ZIM2: variants seen among roughly 807,000 people sequenced by gnomAD.
The protein encoded by ZIM2 is zinc finger imprinted 2.
ZIM2 carries 14 observed loss-of-function variants against 38.6 expected under a neutral mutation model. The ratio of observed to expected loss-of-function variants is 0.36; its 90% CI spans 0.24 to 0.57. The LOEUF (loss-of-function observed/expected upper bound fraction) is 0.57, where lower values mean the gene tolerates loss of function less well. Among genes scored for constraint, ZIM2 ranks in the 20% least tolerant of loss-of-function variants. The pLI is 0.81. For missense variants in ZIM2, 680 were observed against 695.1 expected, an observed-to-expected ratio of 0.98 and a Z score of 0.24; for synonymous variants, 247 against 245.8, an observed-to-expected ratio of 1.00 and a Z score of -0.04.
At chr19:56,777,379 G>A (rs1244144186) in intron 12 of ZIM2, among the ~76,000 whole-genome samples, 2 of 152,146 alleles carry the variant, frequency 1.3e-5, no homozygotes, top group Non-Finnish European at 2.9e-5. Flanking sequence ...AGCATGTTCT[G>A]TCAGTTCTTC....
intron 2 of ZIM2, chr19:56,833,486 C>T (rs148740292): frequency 6.1e-4 from 165 of 272,590 alleles, no homozygotes; most frequent in African/African-American, 3.2e-3. Context: ...CCCAGGCCTA[C>T]GTCACCTCCC....
intron 2 of ZIM2, among the ~76,000 whole-genome samples, chr19:56,828,973 A>G (rs527738561): frequency 2.6e-5 from 4 of 152,298 alleles, no homozygotes; most frequent in Middle Eastern, 3.4e-3. Flanking sequence ...TAAAAAAAAC[A>G]CCTACTTCTT....
intron 1 of ZIM2, among the ~76,000 whole-genome samples, chr19:56,839,273 C>T (rs2062652116): frequency 6.6e-6 from 1 of 151,676 alleles, no homozygotes; most frequent in South Asian, 2.1e-4. Context: ...TCAAACATGG[C>T]ATCTAGGTGG....
chr19:56,821,313 C>T (rs936539899), intron 7 of ZIM2, among the ~76,000 whole-genome samples: 1 of 152,216 alleles, frequency 6.6e-6, no homozygotes, highest in Non-Finnish European at 1.5e-5. Flanking sequence ...TCTGCAGACC[C>T]ACAGCTTTCC....
At chr19:56,836,897 G>A (rs2062175728) in intron 1 of ZIM2, among the ~76,000 whole-genome samples, 1 of 150,236 alleles carries the variant, frequency 6.7e-6, no homozygotes. Context: ...TTGAACCCGG[G>A]AGGCAGAGGC....
chr19:56,813,970 T>C, intron 9 of ZIM2: 2 of 1,614,130 alleles, frequency 1.2e-6, no homozygotes, highest in Non-Finnish European at 1.7e-6. Context: ...TTCACCTTCT[T>C]CTGGGTCTTC....
At chr19:56,813,607 T>C in intron 9 of ZIM2, 1 of 1,530,210 alleles carries the variant, frequency 6.5e-7, no homozygotes, top group Non-Finnish European at 8.8e-7. Context: ...ATGGATTGGT[T>C]TGGATTCTCT....
At chr19:56,821,427 A>AG (rs1286934520) in intron 7 of ZIM2, among the ~76,000 whole-genome samples, 2 of 152,102 alleles carry the variant, frequency 1.3e-5, no homozygotes, top group African/African-American at 4.8e-5. Flanking sequence ...ACACATGCTG[A>AG]GGGGGCAGGA....
chr19:56,838,678 G>A (rs1207112725), intron 1 of ZIM2, among the ~76,000 whole-genome samples: 1 of 152,174 alleles, frequency 6.6e-6, no homozygotes, highest in African/African-American at 2.4e-5. Flanking sequence ...AAATGGCTCC[G>A]CGGCCGCTAA....
rs113790941 is a variant in ZIM2 at position 56,838,125 on chromosome 19, A to G, written c.-313-2021T>C. 5.3e-3 allele frequency among the ~76,000 whole-genome samples: 804 copies of G among 152,204 alleles called. 11 individuals are homozygous for G. The highest frequency in any genetic ancestry group is 0.019 in the African/African-American group (773 of 41,526). On this transcript the variant is annotated intron_variant, in intron 1 of 12. Coordinates refer to ENST00000629319, the MANE Select transcript of ZIM2 (RefSeq NM_001387356.1). The stretch of plus-strand genomic sequence containing the variant: ...ATGATGCCACAGAGTGGGCGGGGCC[A>G]TGCAGACCCCGTCAGTCACTCAGTC...
rs751133373 is a variant in ZIM2, at chr19:56,774,784, A to G, written c.1581T>C (p.Cys527=). 6.2e-7 allele frequency: 1 copy of G among 1,614,218 alleles called. No individual in the cohort carries two copies. The highest frequency in any genetic ancestry group is 8.5e-7 in the Non-Finnish European group (1 of 1,180,046). ...GGCCGAAACATTTCCCACATAGCTG[A>G]CACTGGTAAGGCCTCTCTTGAGTGT... ...RTHTQERPYQ[C]QLCGKCFGRP... is the part of the protein sequence containing the mutation. Residue 527 remains cysteine, a synonymous_variant, in exon 13 of 13, where the codon TGT becomes TGC. Coordinates refer to ENST00000629319, the MANE Select transcript of ZIM2 (RefSeq NM_001387356.1).
intron 2 of ZIM2, among the ~76,000 whole-genome samples, chr19:56,827,812 C>A (rs755644083): frequency 6.6e-6 from 1 of 151,938 alleles, no homozygotes; most frequent in African/African-American, 2.4e-5. Flanking sequence ...AGTGCAAAAC[C>A]GGACACAGCA....
intron 8 of ZIM2, among the ~76,000 whole-genome samples, 183 bp downstream of exon 8, chr19:56,818,417 G>A (rs563493130): frequency 1.3e-5 from 2 of 152,210 alleles, no homozygotes; most frequent in East Asian, 3.9e-4. Flanking sequence ...CAAAGCCAGA[G>A]GCATTTCTTA....
intron 1 of ZIM2, among the ~76,000 whole-genome samples, chr19:56,836,305 T>TAGA (rs1299830683): frequency 6.6e-6 from 1 of 152,156 alleles, no homozygotes. Context: ...GATGTACTCA[T>TAGA]AGACTTTCTC....
intron 9 of ZIM2, chr19:56,811,956 G>A: frequency 1.0e-6 from 1 of 985,196 alleles, no homozygotes; most frequent in Non-Finnish European, 1.2e-6. Flanking sequence ...CTTGCTCTCA[G>A]CTCTACAATC....
chr19:56,807,511 C>A (rs551620091), intron 9 of ZIM2, among the ~76,000 whole-genome samples: 2 of 152,118 alleles, frequency 1.3e-5, no homozygotes, highest in Admixed American at 6.5e-5. Context: ...GCAACAACAA[C>A]AAAAAAACAT....
chr19:56,814,247 C>T lies in ZIM2; in HGVS notation c.490+3499G>A, dbSNP rs762643937. ...TCCACTTCTGGCTCGGCAGCCTCCA[C>T]TTCTGGCTCAGCAGCCTCTACGTTT... is the stretch of plus-strand genomic sequence containing the variant. On this transcript the variant is annotated intron_variant, in intron 9 of 12. Coordinates refer to ENST00000629319, the MANE Select transcript of ZIM2 (RefSeq NM_001387356.1). The surrounding 1 kb of genome is among the most constrained non-coding windows in gnomAD (Gnocchi z 5.8). 2 of 1,613,536 alleles carry T rather than the reference C, an allele frequency of 1.2e-6. No individual in the cohort carries two copies. The highest frequency in any genetic ancestry group is 3.3e-5 in the Admixed American group (2 of 60,018).
chr19:56,824,671 T>A (rs747369345), intron 3 of ZIM2: 1 of 1,584,710 alleles, frequency 6.3e-7, no homozygotes, highest in Non-Finnish European at 8.6e-7. Context: ...TAAGTAAAAT[T>A]TTCACTGGAG....
chr19:56,778,834 A>G (rs773242083), intron 12 of ZIM2, among the ~76,000 whole-genome samples: 3 of 152,158 alleles, frequency 2.0e-5, no homozygotes, highest in Non-Finnish European at 4.4e-5. Flanking sequence ...CTGTAGCCAT[A>G]GAGTTTGGAG....
Sources: allele counts gnomAD v4.1 joint callset (sites outside exome capture counted in the v4.1 genomes callset), GRCh38; gene constraint gnomAD v4.1.1; non-coding constraint Gnocchi (gnomAD v3.1); transcripts MANE v1.5; gene names NCBI Gene and HGNC (gene_info 2026-07-23, HGNC 2026-07-21).